Variants in SH3BGR observed in about 807,000 individuals in gnomAD.
SH3BGR encodes the protein SH3 domain binding glutamate rich protein, also known as SH3 domain-binding glutamic acid-rich protein.
SH3BGR carries 29 observed loss-of-function variants against 24.5 expected under a neutral mutation model. The ratio of observed to expected loss-of-function variants is 1.18; its 90% CI spans 0.88 to 1.61. The LOEUF is 1.61. Ranked by LOEUF, SH3BGR falls within the 40% of genes most tolerant of loss-of-function variation. The pLI is 0.00. For missense variants in SH3BGR, 162 were observed against 205.8 expected, an observed-to-expected ratio of 0.79 and a Z score of 1.30; for synonymous variants, 55 against 65.7, an observed-to-expected ratio of 0.84 and a Z score of 0.79.
chr21:39,511,197 GGT>G lies in SH3BGR; in HGVS notation c.436-469_436-468del, dbSNP rs372233479. On this transcript the variant is annotated intron_variant, in intron 5 of 6. Coordinates refer to ENST00000333634, the MANE Select transcript of SH3BGR (RefSeq NM_007341.3). The surrounding 1 kb of genome is among the most constrained non-coding windows in gnomAD (Gnocchi z 4.2). ...GGTGTATATGGTGTGTGGTGTGTTTGGTGTGTGTGTGTGTGATGTGTGTTATG... is the reference window on the plus strand; with the variant it reads ...GGTGTATATGGTGTGTGGTGTGTTTGGTGTGTGTGTGTGATGTGTGTTATG... 2.0e-4 allele frequency among the ~76,000 whole-genome samples: 30 copies of G among 148,688 alleles called. No homozygotes were observed. The highest frequency in any genetic ancestry group is 3.1e-4 in the Non-Finnish European group (21 of 66,750).
At chr21:39,492,481 T>TATATATATAC (rs1310495973) in intron 3 of SH3BGR, among the ~76,000 whole-genome samples, 1 of 81,548 alleles carries the variant, frequency 1.2e-5, no homozygotes, top group African/African-American at 3.0e-5. Context: ...TATATATATA[T>TATATATATAC]ACACACACAC....
At chr21:39,504,211 T>A (rs1041117678) in intron 4 of SH3BGR, among the ~76,000 whole-genome samples, 2 of 152,216 alleles carry the variant, frequency 1.3e-5, no homozygotes, top group Non-Finnish European at 2.9e-5. Context: ...ACCACCCCTC[T>A]CTGGCTTCCT....
intron 3 of SH3BGR, among the ~76,000 whole-genome samples, chr21:39,476,842 CA>C (rs2078035798): frequency 3.9e-5 from 6 of 152,128 alleles, no homozygotes; most frequent in Admixed American, 2.6e-4. Context: ...TATCCTTGGT[CA>C]ATAATAATGT....
chr21:39,511,820 GA>G lies in SH3BGR; in HGVS notation c.*34+12del, dbSNP rs2078701422. 5 of 1,592,748 alleles carry G rather than the reference GA, an allele frequency of 3.1e-6. No homozygotes were observed. In the African/African-American group the frequency reaches 6.8e-5, roughly 22 times the overall value. On this transcript the variant is annotated intron_variant, in intron 6 of 6. Transcript: ENST00000333634. The surrounding 1 kb of genome is among the most constrained non-coding windows in gnomAD (Gnocchi z 4.2). ...CTTCCACTTCTCCAGGTAGCTACAG[GA>G]TTCTGGGGTGGAAAAGCTGCTAGTT... is the stretch of plus-strand genomic sequence containing the variant.
At position 39,492,481 on chromosome 21, in the gene SH3BGR, T is replaced by TATAC. The variant is rs1310495973; in HGVS notation, c.313-7341_313-7340insTACA. On this transcript the variant is annotated intron_variant, in intron 3 of 6. Transcript: ENST00000333634. ...GTGTGTGTGTGTATATATATATATA[T>TATAC]ACACACACACACACACACCACATTT... is the stretch of plus-strand genomic sequence containing the variant. Among the ~76,000 whole-genome samples, 24 of 81,606 alleles carry TATAC rather than the reference T, an allele frequency of 2.9e-4. 1 individual carries two copies. Among genetic ancestry groups the TATAC allele is most frequent in the East Asian group, 3.0e-3 (2 of 674 alleles). The allele number at this position is 81,606 out of a possible 152,430, so 53.5% of individuals were successfully genotyped here.
At position 39,512,344 on chromosome 21, in the gene SH3BGR, C is replaced by T. The variant is rs114444026; in HGVS notation, c.*34+535C>T. 2.2e-3 allele frequency among the ~76,000 whole-genome samples: 338 copies of T among 152,256 alleles called. 1 individual carries two copies. Among genetic ancestry groups the T allele is most frequent in the African/African-American group, 7.7e-3 (320 of 41,548 alleles). On this transcript the variant is annotated intron_variant, in intron 6 of 6. Transcript: ENST00000333634. ...GTCGTCAGTGCTTGGTACTCCATTT[C>T]CGTTTCTATTAACCAGAACGCTCCT...
intron 3 of SH3BGR, among the ~76,000 whole-genome samples, chr21:39,489,264 A>G (rs1427438542): frequency 1.3e-5 from 2 of 152,206 alleles, no homozygotes; most frequent in Non-Finnish European, 2.9e-5. Flanking sequence ...CCCTTATCTT[A>G]TGACTGCAGG....
At chr21:39,503,202 A>T (rs2078525778) in intron 4 of SH3BGR, among the ~76,000 whole-genome samples, 1 of 152,194 alleles carries the variant, frequency 6.6e-6, no homozygotes, top group Non-Finnish European at 1.5e-5. Context: ...CTTCAGCCAC[A>T]CTTATTATGA....
intron 4 of SH3BGR, among the ~76,000 whole-genome samples, chr21:39,505,704 G>T (rs2078570519): frequency 6.6e-6 from 1 of 152,124 alleles, no homozygotes; most frequent in South Asian, 2.1e-4. Flanking sequence ...GGCAGAGGTT[G>T]CAGTGAGCTG....
At chr21:39,510,432 AC>A in intron 5 of SH3BGR, among the ~76,000 whole-genome samples, 1 of 27,756 alleles carries the variant, frequency 3.6e-5, no homozygotes. Context: ...CTGTAGCTAC[AC>A]ACACACACAC....
intron 2 of SH3BGR, among the ~76,000 whole-genome samples, chr21:39,468,807 CAT>C (rs1665092068): frequency 6.6e-6 from 1 of 152,164 alleles, no homozygotes. Context: ...TACTATGACA[CAT>C]GTGTTCCCAT....
intron 3 of SH3BGR, among the ~76,000 whole-genome samples, chr21:39,485,909 C>G (rs1461471956): frequency 6.6e-6 from 1 of 151,870 alleles, no homozygotes; most frequent in African/African-American, 2.4e-5. Flanking sequence ...AGGATGGTCT[C>G]GATCTCCTGA....
chr21:39,477,515 T>C lies in SH3BGR; in HGVS notation c.312+2300T>C, dbSNP rs145526688. 3.5e-3 allele frequency among the ~76,000 whole-genome samples: 533 copies of C among 152,318 alleles called. 5 individuals carry two copies. The highest frequency in any genetic ancestry group is 0.012 in the African/African-American group (517 of 41,566). The stretch of plus-strand genomic sequence containing the variant: ...AATTACAAATAACTCTGCACTGATT[T>C]TCACCATGAAATAGTATTCTTTATT... On this transcript the variant is annotated intron_variant, in intron 3 of 6. Coordinates refer to ENST00000333634, the MANE Select transcript of SH3BGR (RefSeq NM_007341.3).
Position 39,492,859 on chromosome 21 carries a change from T to A in SH3BGR, c.313-6964T>A, listed in dbSNP as rs2078327894. Among the ~76,000 whole-genome samples the A allele has an allele frequency of 2.0e-5, 3 of 152,136 alleles. No individual in the cohort carries two copies. The South Asian group carries it at 6.2e-4, about 32-fold the overall frequency. On this transcript the variant is annotated intron_variant, in intron 3 of 6. Transcript: ENST00000333634. Reference sequence around the variant, plus strand: ...ATCACATTGTAGTTTTGGTTTGCATTTCCCTGATCATTAGTGATGTTGAGC... The same window carrying A: ...ATCACATTGTAGTTTTGGTTTGCATATCCCTGATCATTAGTGATGTTGAGC...
At chr21:39,486,762 G>T (rs551927361) in intron 3 of SH3BGR, among the ~76,000 whole-genome samples, 1 of 152,210 alleles carries the variant, frequency 6.6e-6, no homozygotes, top group African/African-American at 2.4e-5. Context: ...TGTCACCCAG[G>T]CTGGAGTGCA....
At chr21:39,481,934 A>G (rs780599773) in intron 3 of SH3BGR, among the ~76,000 whole-genome samples, 2 of 152,226 alleles carry the variant, frequency 1.3e-5, no homozygotes, top group Non-Finnish European at 2.9e-5. Flanking sequence ...GTGCTAAAGT[A>G]TTAGCCCCGC....
At chr21:39,495,485 T>C (rs1187927942) in intron 3 of SH3BGR, among the ~76,000 whole-genome samples, 1 of 149,782 alleles carries the variant, frequency 6.7e-6, no homozygotes, top group Admixed American at 6.6e-5. Flanking sequence ...AAAGTCTCTT[T>C]TTTTTTTTTT....
chr21:39,488,441 G>A (rs2078245183), intron 3 of SH3BGR: 1 of 243,224 alleles, frequency 4.1e-6, no homozygotes, highest in Admixed American at 4.1e-5. Context: ...GAGGGCCTTG[G>A]GCCAGAGCCC....
intron 3 of SH3BGR, 47 bp from the exon 4 acceptor site, chr21:39,499,775 TC>T (rs763493964): frequency 3.5e-6 from 5 of 1,418,536 alleles, no homozygotes; most frequent in African/African-American, 2.9e-5. Flanking sequence ...TTTTTTTTTT[TC>T]TTTTTTCTGT....
Sources: allele counts gnomAD v4.1 joint callset (sites outside exome capture counted in the v4.1 genomes callset), GRCh38; gene constraint gnomAD v4.1.1; non-coding constraint Gnocchi (gnomAD v3.1); transcripts MANE v1.5; gene names NCBI Gene and HGNC (gene_info 2026-07-23, HGNC 2026-07-21).